Variants in TLN2 observed in about 807,000 individuals in gnomAD.
The protein encoded by TLN2 is talin 2.
In TLN2, 118 loss-of-function variants were observed where a neutral mutation model predicts 294.7. The ratio of observed to expected loss-of-function variants is 0.40; its 90% CI spans 0.34 to 0.47. The LOEUF (loss-of-function observed/expected upper bound fraction) is 0.47. Ranked by LOEUF, TLN2 falls within the 20% of genes least tolerant of loss-of-function variation. TLN2 has a pLI of 0.84. For missense variants in TLN2, 3,083 were observed against 3,282.2 expected (o/e 0.94, Z 1.48); for synonymous variants, 1,431 against 1,304.5 (o/e 1.10, Z -2.09).
At chr15:62,488,505 TCCAGTGGGAC>T (rs1240272633) in intron 1 of TLN2, among the ~76,000 whole-genome samples, 1 of 152,200 alleles carries the variant, frequency 6.6e-6, no homozygotes, top group East Asian at 1.9e-4. Flanking sequence ...ACCAGCAGGA[TCCAGTGGGAC>T]TACACTGTGA....
chr15:62,480,504 C>A (rs1017574927), intron 1 of TLN2, among the ~76,000 whole-genome samples: 1 of 152,098 alleles, frequency 6.6e-6, no homozygotes, highest in Non-Finnish European at 1.5e-5. Context: ...GGATTACAGG[C>A]GTGAGCCACG....
At chr15:62,552,888 ATT>A (rs1390368345) in intron 1 of TLN2, among the ~76,000 whole-genome samples, 1 of 152,250 alleles carries the variant, frequency 6.6e-6, no homozygotes, top group Non-Finnish European at 1.5e-5. Flanking sequence ...CTAATTCAGT[ATT>A]CACAGAGACT....
intron 34 of TLN2, among the ~76,000 whole-genome samples, chr15:62,751,887 T>C (rs886985451): frequency 2.0e-5 from 3 of 152,242 alleles, no homozygotes; most frequent in Admixed American, 1.3e-4. Flanking sequence ...GATCTCTATT[T>C]AAATTTTACT....
chr15:62,589,882 G>C (rs2045946985), intron 2 of TLN2, 120 bp downstream of exon 2: 1 of 152,190 alleles, frequency 6.6e-6, no homozygotes, highest in African/African-American at 2.4e-5. Context: ...CTTCACTGTG[G>C]TTTTGCGAGG....
intron 1 of TLN2, among the ~76,000 whole-genome samples, chr15:62,412,077 T>G (rs1478889217): frequency 6.6e-6 from 1 of 151,598 alleles, no homozygotes; most frequent in Non-Finnish European, 1.5e-5. Context: ...AGATCATAAG[T>G]CTCTTTGTCC....
chr15:62,584,222 C>G (rs1043361005), intron 1 of TLN2, among the ~76,000 whole-genome samples: 1 of 152,226 alleles, frequency 6.6e-6, no homozygotes, highest in Non-Finnish European at 1.5e-5. Flanking sequence ...GCTACTTACT[C>G]ATAATCAACA....
At chr15:62,568,695 C>A (rs533326829) in intron 1 of TLN2, among the ~76,000 whole-genome samples, 10 of 152,280 alleles carry the variant, frequency 6.6e-5, no homozygotes, top group African/African-American at 2.4e-4. Context: ...CTTGACCCTG[C>A]CCCTGAGCTT....
intron 47 of TLN2, among the ~76,000 whole-genome samples, chr15:62,796,808 C>G (rs187535328): frequency 1.3e-5 from 2 of 152,334 alleles, no homozygotes; most frequent in East Asian, 3.9e-4. Context: ...GCTCTGCTGT[C>G]CCTTCCCAAG....
At chr15:62,523,708 C>T (rs1399605168) in intron 1 of TLN2, among the ~76,000 whole-genome samples, 2 of 152,102 alleles carry the variant, frequency 1.3e-5, no homozygotes, top group Non-Finnish European at 2.9e-5. Context: ...ACAGCTTTCA[C>T]AACTTGGAAA....
intron 9 of TLN2, among the ~76,000 whole-genome samples, chr15:62,670,509 A>G (rs973015313): frequency 6.6e-6 from 1 of 152,160 alleles, no homozygotes; most frequent in Non-Finnish European, 1.5e-5. Flanking sequence ...ACTGCTGCAG[A>G]TTAGATATTT....
At chr15:62,436,365 G>A (rs983232783) in intron 1 of TLN2, among the ~76,000 whole-genome samples, 2 of 152,214 alleles carry the variant, frequency 1.3e-5, no homozygotes, top group African/African-American at 2.4e-5. Flanking sequence ...AGTGCTGTGC[G>A]GGAGGACCTG....
At chr15:62,686,082 C>A (rs750276978) in intron 11 of TLN2, among the ~76,000 whole-genome samples, 1 of 152,012 alleles carries the variant, frequency 6.6e-6, no homozygotes, top group Admixed American at 6.6e-5. Flanking sequence ...TATCTTAAAA[C>A]ATTATTAAAA....
At chr15:62,797,040 C>T (rs1416555531) in intron 47 of TLN2, among the ~76,000 whole-genome samples, 179 bp from the exon 48 acceptor site, 3 of 152,216 alleles carry the variant, frequency 2.0e-5, no homozygotes, top group South Asian at 4.1e-4. Flanking sequence ...CTTCTTCTCC[C>T]CCCAGTTTTG....
intron 1 of TLN2, among the ~76,000 whole-genome samples, chr15:62,543,546 A>G (rs371271798): frequency 3.9e-5 from 6 of 152,130 alleles, no homozygotes; most frequent in African/African-American, 1.4e-4. Context: ...TCACAAGGTC[A>G]AGAGATTGAG....
intron 37 of TLN2, among the ~76,000 whole-genome samples, chr15:62,757,458 ATTATAT>A (rs1216967724): frequency 6.6e-6 from 1 of 152,216 alleles, no homozygotes; most frequent in Non-Finnish European, 1.5e-5. Flanking sequence ...GTTAAAAAAC[ATTATAT>A]TTAGATGGAC....
intron 12 of TLN2, among the ~76,000 whole-genome samples, chr15:62,688,178 T>C (rs1225569751): frequency 6.6e-6 from 1 of 152,192 alleles, no homozygotes; most frequent in Non-Finnish European, 1.5e-5. Flanking sequence ...ATAACCTCAT[T>C]AACTACCTCA....
intron 1 of TLN2, among the ~76,000 whole-genome samples, chr15:62,436,478 C>T (rs1309614500): frequency 6.6e-6 from 1 of 152,144 alleles, no homozygotes; most frequent in African/African-American, 2.4e-5. Flanking sequence ...GCCAGCCTTT[C>T]GTGAGCAGGT....
intron 1 of TLN2, among the ~76,000 whole-genome samples, chr15:62,394,337 G>A (rs989122956): frequency 1.3e-5 from 2 of 152,030 alleles, no homozygotes; most frequent in African/African-American, 4.8e-5. Context: ...ATTTTGAGTG[G>A]TCGTTGGCCA....
chr15:62,770,900 G>T, intron 41 of TLN2, 64 bp from the exon 42 acceptor site: 1 of 1,539,606 alleles, frequency 6.5e-7, no homozygotes. Flanking sequence ...TGACTGTGGA[G>T]CCCCTGAAGG....
Sources: gnomAD v4.1 joint callset for allele counts (sites outside exome capture counted in the v4.1 genomes callset) on GRCh38, gnomAD v4.1.1 for gene constraint, MANE v1.5 for transcripts, NCBI Gene and HGNC (gene_info 2026-07-23, HGNC 2026-07-21) for gene names.